Variants in HECW2 observed in about 807,000 individuals in gnomAD.
HECW2 encodes the protein HECT, C2 and WW domain containing E3 ubiquitin protein ligase 2, also known as E3 ubiquitin-protein ligase HECW2.
In HECW2, 61 loss-of-function variants were observed where a neutral mutation model predicts 175.2. The observed-to-expected ratio is 0.35, with a 90% CI of 0.28 to 0.43. HECW2 has a LOEUF of 0.43. Ranked by LOEUF, HECW2 falls within the 20% of genes least tolerant of loss-of-function variation. HECW2 has a pLI of 1.00. For synonymous variants in HECW2, 671 were observed against 731.0 expected, an observed-to-expected ratio of 0.92 and a Z score of 1.32; for missense variants, 1,524 against 2,000.5, an observed-to-expected ratio of 0.76 and a Z score of 4.54.
intron 1 of HECW2, among the ~76,000 whole-genome samples, chr2:196,547,008 C>T (rs1231241606): frequency 6.6e-6 from 1 of 152,084 alleles, no homozygotes; most frequent in Non-Finnish European, 1.5e-5. Flanking sequence ...TGTTATGTGA[C>T]CTGAAACTTC....
chr2:196,499,810 T>C, intron 1 of HECW2, among the ~76,000 whole-genome samples: 1 of 152,204 alleles, frequency 6.6e-6, no homozygotes, highest in Non-Finnish European at 1.5e-5. Context: ...AACACCTCCT[T>C]TAAAGAACTC....
chr2:196,243,804 C>A (rs1688551859), intron 19 of HECW2, among the ~76,000 whole-genome samples: 1 of 152,184 alleles, frequency 6.6e-6, no homozygotes, highest in African/African-American at 2.4e-5. Context: ...GTCTCGAACT[C>A]CTGACCTCAG....
chr2:196,302,823 C>G (rs556324812), intron 13 of HECW2, among the ~76,000 whole-genome samples: 5 of 152,292 alleles, frequency 3.3e-5, no homozygotes, highest in Non-Finnish European at 5.9e-5. Flanking sequence ...GCTGAGAGGA[C>G]TGGGTTTTCT....
intron 28 of HECW2, among the ~76,000 whole-genome samples, chr2:196,204,912 G>C (rs116372234): frequency 6.6e-6 from 1 of 152,156 alleles, no homozygotes; most frequent in East Asian, 1.9e-4. Context: ...TGCCATTTCT[G>C]TAGTATCTTT....
In HECW2 at chr2:196,579,543, A is replaced by T. The variant is rs148708763; in HGVS notation, c.-36+13965T>A. Among the ~76,000 whole-genome samples the T allele has an allele frequency of 7.1e-3, 1,077 of 152,274 alleles. 12 individuals are homozygous for T. Among genetic ancestry groups the T allele is most frequent in the African/African-American group, 0.024 (1,012 of 41,558 alleles). On this transcript the variant is annotated intron_variant, in intron 1 of 28. Transcript: ENST00000644978. ...AGAGATACTGTATAATCAGAGATAA[A>T]AATAGAATAAAAATTTTAAGTCGAA... is the stretch of plus-strand genomic sequence containing the variant.
At chr2:196,501,522 A>G (rs568305953) in intron 1 of HECW2, among the ~76,000 whole-genome samples, 1 of 152,304 alleles carries the variant, frequency 6.6e-6, no homozygotes, top group Admixed American at 6.5e-5. Context: ...AAGTGCTAGG[A>G]GTACAGGCAT....
intron 1 of HECW2, among the ~76,000 whole-genome samples, chr2:196,569,973 G>A (rs984175231): frequency 3.9e-5 from 6 of 152,204 alleles, no homozygotes; most frequent in African/African-American, 9.7e-5. Context: ...CCTATAATGC[G>A]CTATGATCAC....
At chr2:196,292,270 C>T (rs74608202) in intron 14 of HECW2, 6,102 of 281,250 alleles carry the variant, frequency 0.022, 102 homozygotes, top group South Asian at 0.078. Context: ...GCCTGAGAAC[C>T]CTTTTCTCTA....
chr2:196,379,672 A>G (rs4850703), intron 2 of HECW2, among the ~76,000 whole-genome samples: 145,363 of 145,520 alleles, frequency 1, 72,603 homozygotes, highest in East Asian at 1. Flanking sequence ...GCGACAGAGC[A>G]ATACTCCGTC....
At chr2:196,450,546 C>T (rs961779221) in intron 1 of HECW2, among the ~76,000 whole-genome samples, 7 of 144,734 alleles carry the variant, frequency 4.8e-5, no homozygotes, top group Non-Finnish European at 1.0e-4. Context: ...GGCTGGAGTA[C>T]AATGGCATAA....
Position 196,343,591 on chromosome 2 carries a change from C to T in HECW2, c.400+66G>A, listed in dbSNP as rs567360445. 1.5e-5 allele frequency: 15 copies of T among 980,770 alleles called. No homozygotes were observed. In the African/African-American group the frequency reaches 2.1e-4, roughly 14 times the overall value. The allele number at this position is 980,770 out of a possible 1,614,324, so 60.8% of individuals were successfully genotyped here. On this transcript the variant is annotated intron_variant, in intron 3 of 28. Coordinates refer to ENST00000644978, the MANE Select transcript of HECW2 (RefSeq NM_001348768.2). The stretch of plus-strand genomic sequence containing the variant: ...TTTCAAAATAACATTCAAAAAGACT[C>T]CATAGAATTCTGCATACTTATGCAA...
In HECW2 at chr2:196,200,107, A is replaced by G. The variant is rs1686808034; in HGVS notation, c.*1170T>C. The G allele has an allele frequency of 6.6e-6, 1 of 152,654 alleles. No individual in the cohort carries two copies. Among genetic ancestry groups the G allele is most frequent in the South Asian group, 2.1e-4 (1 of 4,832 alleles). 9.5% of individuals were successfully genotyped at this position (152,654 alleles called of 1,614,324 possible). A position where few individuals can be genotyped will look rare whatever the true frequency, so the allele number is the denominator to read the frequency against. ...TATTTGATGGATGGAAGAGAGTCTA[A>G]TGCATTTTAAATAAATGCATATCAT... On this transcript the variant is annotated 3_prime_UTR_variant, in exon 29 of 29. Coordinates refer to ENST00000644978, the MANE Select transcript of HECW2 (RefSeq NM_001348768.2).
chr2:196,555,200 A>G (rs1352705350), intron 1 of HECW2, among the ~76,000 whole-genome samples: 1 of 152,218 alleles, frequency 6.6e-6, no homozygotes, highest in African/African-American at 2.4e-5. Context: ...ATTATTAGCA[A>G]CAGAAATGTA....
chr2:196,252,202 TAATAATAATAATAAG>T (rs1401304608), intron 19 of HECW2, among the ~76,000 whole-genome samples: 9 of 142,754 alleles, frequency 6.3e-5, no homozygotes, highest in East Asian at 4.5e-4. Flanking sequence ...ATAATAATAA[TAATAATAATAATAAG>T]GCTTCAATGA....
chr2:196,587,210 A>G (rs1272561622), intron 1 of HECW2, among the ~76,000 whole-genome samples: 2 of 152,256 alleles, frequency 1.3e-5, no homozygotes, highest in Non-Finnish European at 2.9e-5. Context: ...AAACTTCAAT[A>G]GTATAACAGA....
At position 196,307,981 on chromosome 2, in the gene HECW2, G is replaced by C. The variant is rs763369276; in HGVS notation, c.2539C>G (p.Leu847Val). 3.7e-6 allele frequency: 6 copies of C among 1,602,974 alleles called. No homozygotes were observed. The Admixed American group carries it at 1.0e-4, about 27-fold the overall frequency. ...TGCTGTATGGAGTTAGATCTCTGCAGCACCTGCGGGGCTGGGGGAGCTGTC... is the reference window on the plus strand; with the variant it reads ...TGCTGTATGGAGTTAGATCTCTGCACCACCTGCGGGGCTGGGGGAGCTGTC... ...RPTAPPAPQVLQRSNSIQQME... is the reference protein window; with the variant it reads ...RPTAPPAPQVVQRSNSIQQME... The change falls in exon 11 of 29, where the codon CTG becomes GTG. Residue 847 changes from leucine (L) to valine (V), a missense_variant. This residue lies in a region of HECW2 where 82 missense variants were observed against 124.4 expected (regional missense o/e 0.66). Transcript: ENST00000644978.
intron 1 of HECW2, among the ~76,000 whole-genome samples, chr2:196,567,748 CTTT>C (rs1322433126): frequency 1.3e-5 from 2 of 152,190 alleles, no homozygotes; most frequent in African/African-American, 4.8e-5. Flanking sequence ...TCATAGTCTT[CTTT>C]ATCTTCTACA....
At position 196,479,747 on chromosome 2, in the gene HECW2, G is replaced by T. The variant is rs78269473; in HGVS notation, c.-35-46289C>A. Among the ~76,000 whole-genome samples the T allele has an allele frequency of 8.7e-3, 1,322 of 152,134 alleles. 11 individuals are homozygous for T. Among genetic ancestry groups the T allele is most frequent in the Non-Finnish European group, 0.014 (926 of 67,984 alleles). ...TTTCTATAATAGAACCCTGACCCAA[G>T]AGCTCTGAGTTATCTTTGACTCTTC... On this transcript the variant is annotated intron_variant, in intron 1 of 28. Transcript: ENST00000644978.
chr2:196,285,307 G>A (rs540864744), intron 14 of HECW2, among the ~76,000 whole-genome samples: 1 of 152,050 alleles, frequency 6.6e-6, no homozygotes, highest in African/African-American at 2.4e-5. Context: ...TGCCACTAAG[G>A]AATACATATT....
Sources: gnomAD v4.1 joint callset for allele counts (sites outside exome capture counted in the v4.1 genomes callset) on GRCh38, gnomAD v4.1.1 for gene constraint, gnomAD v4.1.1 regional missense constraint, MANE v1.5 for transcripts, NCBI Gene and HGNC (gene_info 2026-07-23, HGNC 2026-07-21) for gene names.